PDE4D: variants seen among roughly 807,000 people sequenced by gnomAD.
The protein encoded by PDE4D is phosphodiesterase 4D, also known as 3',5'-cyclic-AMP phosphodiesterase 4D.
In PDE4D, 24 loss-of-function variants were observed where a neutral mutation model predicts 87.4. That is an observed-to-expected ratio of 0.27 (90% confidence interval 0.20 to 0.39). The LOEUF (loss-of-function observed/expected upper bound fraction) is 0.39. Among genes scored for constraint, PDE4D ranks in the 10% least tolerant of loss-of-function variants. PDE4D has a pLI of 1.00. For synonymous variants in PDE4D, 384 were observed against 383.2 expected, an observed-to-expected ratio of 1.00 and a Z score of -0.02; for missense variants, 714 against 1,041.0, an observed-to-expected ratio of 0.69 and a Z score of 4.32.
chr5:60,245,822 T>C (rs1191203214), intron 1 of PDE4D, among the ~76,000 whole-genome samples: 1 of 105,184 alleles, frequency 9.5e-6, no homozygotes, highest in Admixed American at 9.8e-5. Context: ...GGTTAATGAG[T>C]ACAAAAAAAA....
intron 1 of PDE4D, among the ~76,000 whole-genome samples, chr5:59,329,657 A>G (rs1485180906): frequency 6.6e-6 from 1 of 152,216 alleles, no homozygotes; most frequent in African/African-American, 2.4e-5. Flanking sequence ...AAATGGAACC[A>G]GATTATTTTA....
intron 5 of PDE4D, 58 bp from the exon 6 acceptor site, chr5:59,039,029 C>G (rs1343377101): frequency 5.2e-6 from 8 of 1,536,094 alleles, no homozygotes; most frequent in Non-Finnish European, 7.0e-6. Flanking sequence ...GGTCCGCTAG[C>G]GAGTTCAAAG....
Position 60,164,816 on chromosome 5 carries a change from T to C in PDE4D, c.42+20741A>G, listed in dbSNP as rs76444538. ...CATTTATCAAATACAAAATGATGTT[T>C]TGAAGTATTCTACATTGTGGAATAG... On this transcript the variant is annotated intron_variant, in intron 2 of 16. Coordinates refer to the PDE4D transcript ENST00000502484. Among the ~76,000 whole-genome samples the C allele has an allele frequency of 2.2e-3, 342 of 152,320 alleles. 2 individuals carry two copies. Among genetic ancestry groups the C allele is most frequent in the African/African-American group, 7.8e-3 (325 of 41,572 alleles).
chr5:60,470,645 T>C (rs894973507), intron 1 of PDE4D, among the ~76,000 whole-genome samples: 1 of 152,114 alleles, frequency 6.6e-6, no homozygotes, highest in Non-Finnish European at 1.5e-5. Flanking sequence ...ATTCCAAAAA[T>C]CCTTAAGCCC....
chr5:60,146,403 G>C (rs550302884), intron 2 of PDE4D, among the ~76,000 whole-genome samples: 1 of 152,264 alleles, frequency 6.6e-6, no homozygotes, highest in Non-Finnish European at 1.5e-5. Context: ...TGCTGGATTG[G>C]AATTTAGTGT....
chr5:59,575,244 C>T (rs1161391123), intron 1 of PDE4D, among the ~76,000 whole-genome samples: 2 of 152,086 alleles, frequency 1.3e-5, no homozygotes, highest in African/African-American at 4.8e-5. Flanking sequence ...AGAGGCTGGT[C>T]TATGTCTGAA....
At chr5:59,356,977 G>T in intron 1 of PDE4D, 1 of 1,140,782 alleles carries the variant, frequency 8.8e-7, no homozygotes, top group Non-Finnish European at 1.1e-6. Flanking sequence ...TTGTGCAGTG[G>T]TATGCGCTGA....
rs142006953 is a variant in PDE4D, at chr5:59,393,795, C to T, written c.456-177827G>A. On this transcript the variant is annotated intron_variant, in intron 1 of 14. Coordinates refer to ENST00000340635, the MANE Select transcript of PDE4D (RefSeq NM_001104631.2). Reference sequence around the variant, plus strand: ...AATCAAGGGCAGGTGCCAGGTACAGCATCAAGAAAGTAACAGGTGGTTTCT... The same window carrying T: ...AATCAAGGGCAGGTGCCAGGTACAGTATCAAGAAAGTAACAGGTGGTTTCT... Among the ~76,000 whole-genome samples the T allele has an allele frequency of 1.8e-4, 27 of 152,298 alleles. No homozygotes were observed. The East Asian group carries it at 3.1e-3, about 17-fold the overall frequency.
At chr5:60,147,318 C>T (rs773163522) in intron 2 of PDE4D, among the ~76,000 whole-genome samples, 13 of 152,256 alleles carry the variant, frequency 8.5e-5, no homozygotes, top group Non-Finnish European at 1.8e-4. Flanking sequence ...ACAGACAGGT[C>T]GTTAGGCTGC....
chr5:60,235,659 A>C (rs1194815390), intron 1 of PDE4D, among the ~76,000 whole-genome samples: 1 of 151,784 alleles, frequency 6.6e-6, no homozygotes, highest in African/African-American at 2.4e-5. Flanking sequence ...AAAAAATAAA[A>C]CTGAAGCCCA....
At chr5:59,266,243 G>A (rs1430690449) in intron 1 of PDE4D, among the ~76,000 whole-genome samples, 1 of 147,662 alleles carries the variant, frequency 6.8e-6, no homozygotes, top group East Asian at 2.0e-4. Flanking sequence ...ACCTCAGCCT[G>A]GGAAACACAG....
In PDE4D at chr5:59,756,509, T is replaced by TACACAC. The variant is rs3062590; in HGVS notation, c.455+136653_455+136658dup. Among the ~76,000 whole-genome samples the TACACAC allele has an allele frequency of 7.0e-3, 1,010 of 145,020 alleles. 10 individuals carry two copies. Among genetic ancestry groups the TACACAC allele is most frequent in the South Asian group, 0.025 (112 of 4,536 alleles). On this transcript the variant is annotated intron_variant, in intron 1 of 14. Transcript: ENST00000340635. ...TCTATGTGCATGTAAACCCAAAACATACACACACACACACACACACACACA... is the reference window on the plus strand; with the variant it reads ...TCTATGTGCATGTAAACCCAAAACATACACACACACACACACACACACACACACACA...
intron 1 of PDE4D, among the ~76,000 whole-genome samples, chr5:60,498,650 A>T (rs538084189): frequency 1.3e-5 from 2 of 152,258 alleles, no homozygotes; most frequent in East Asian, 3.9e-4. Flanking sequence ...TCAAATCCAA[A>T]CAGCAACACT....
intron 2 of PDE4D, among the ~76,000 whole-genome samples, chr5:60,033,891 T>C (rs192570956): frequency 1.3e-3 from 194 of 152,294 alleles, no homozygotes; most frequent in African/African-American, 4.4e-3. Flanking sequence ...ATAAAAATAT[T>C]GCTAAGACAT....
chr5:60,360,070 T>G (rs1361131946), intron 1 of PDE4D, among the ~76,000 whole-genome samples: 1 of 152,178 alleles, frequency 6.6e-6, no homozygotes, highest in Non-Finnish European at 1.5e-5. Context: ...AGAACCTTGT[T>G]GTTGAAATGT....
chr5:59,107,944 T>C (rs1771911718), intron 5 of PDE4D, among the ~76,000 whole-genome samples: 1 of 152,076 alleles, frequency 6.6e-6, no homozygotes, highest in African/African-American at 2.4e-5. Flanking sequence ...GCCATGAGAC[T>C]ACATGAAGAA....
chr5:60,476,476 G>A (rs1748333456), intron 1 of PDE4D, among the ~76,000 whole-genome samples: 1 of 152,092 alleles, frequency 6.6e-6, no homozygotes, highest in South Asian at 2.1e-4. Flanking sequence ...CCTATAGCCT[G>A]TGCCCCACGC....
At chr5:59,587,510 A>C in intron 1 of PDE4D, 1 of 985,396 alleles carries the variant, frequency 1.0e-6, no homozygotes, top group Non-Finnish European at 1.2e-6. Flanking sequence ...CCAGCGCCGA[A>C]TTTCCAGCAG....
intron 1 of PDE4D, among the ~76,000 whole-genome samples, chr5:60,509,329 C>G (rs998907947): frequency 6.6e-6 from 1 of 152,186 alleles, no homozygotes; most frequent in Non-Finnish European, 1.5e-5. Flanking sequence ...GGCTGAGCAT[C>G]CCTTGTTCAC....
Sources: allele counts gnomAD v4.1 joint callset (sites outside exome capture counted in the v4.1 genomes callset), GRCh38; gene constraint gnomAD v4.1.1; transcripts MANE v1.5; gene names NCBI Gene and HGNC (gene_info 2026-07-23, HGNC 2026-07-21).